BCAS3: variants seen among roughly 807,000 people sequenced by gnomAD.
The protein encoded by BCAS3 is BCAS4/BCAS3 fusion.
In BCAS3, 53 loss-of-function variants were observed where a neutral mutation model predicts 116.1. The ratio of observed to expected loss-of-function variants is 0.46; its 90% CI spans 0.37 to 0.57. BCAS3 has a LOEUF of 0.57. Among genes scored for constraint, BCAS3 ranks in the 20% least tolerant of loss-of-function variants. BCAS3 has a pLI of 0.00. For synonymous variants in BCAS3, 391 were observed against 408.2 expected, an observed-to-expected ratio of 0.96 and a Z score of 0.51; for missense variants, 917 against 1,165.4, an observed-to-expected ratio of 0.79 and a Z score of 3.10.
At chr17:60,763,610 G>T (rs1385078980) in intron 6 of BCAS3, among the ~76,000 whole-genome samples, 1 of 152,152 alleles carries the variant, frequency 6.6e-6, no homozygotes, top group Non-Finnish European at 1.5e-5. Flanking sequence ...GTATTTTATT[G>T]AGGATTTTCG....
intron 9 of BCAS3, among the ~76,000 whole-genome samples, chr17:60,884,551 G>T (rs1482770747): frequency 1.1e-4 from 16 of 146,496 alleles, no homozygotes; most frequent in Non-Finnish European, 1.9e-4. Flanking sequence ...GTCTATTTTG[G>T]ATCTTTCCTG....
At chr17:60,844,866 AG>A (rs1334485899) in intron 7 of BCAS3, among the ~76,000 whole-genome samples, 1 of 152,226 alleles carries the variant, frequency 6.6e-6, no homozygotes, top group African/African-American at 2.4e-5. Flanking sequence ...TGAGTAAAAA[AG>A]TTAATAAAGG....
rs2063790161 is a variant in BCAS3 at position 60,995,603 on chromosome 17, C to T, written c.1486+5368C>T. The stretch of plus-strand genomic sequence containing the variant: ...GTGAACCACCGCGCCCGACCAGTTT[C>T]TAAGGCTTTAAACCAGAGTTTTAAA... On this transcript the variant is annotated intron_variant, in intron 15 of 23. Coordinates refer to ENST00000407086, the MANE Select transcript of BCAS3 (RefSeq NM_017679.5). The surrounding 1 kb of genome is among the most constrained non-coding windows in gnomAD (Gnocchi z 4.7). 6.6e-6 allele frequency among the ~76,000 whole-genome samples: 1 copy of T among 152,154 alleles called. No individual in the cohort carries two copies. The highest frequency in any genetic ancestry group is 2.4e-5 in the African/African-American group (1 of 41,432).
chr17:61,005,809 T>C (rs544773349), intron 15 of BCAS3, among the ~76,000 whole-genome samples: 1 of 151,866 alleles, frequency 6.6e-6, no homozygotes, highest in South Asian at 2.1e-4. Flanking sequence ...TTTCTTTTAT[T>C]ATTATACTTT....
chr17:61,237,432 A>G (rs2083149161), intron 22 of BCAS3, among the ~76,000 whole-genome samples: 1 of 152,214 alleles, frequency 6.6e-6, no homozygotes, highest in African/African-American at 2.4e-5. Flanking sequence ...AAATAAAGGA[A>G]TAAAAGCTGG....
chr17:60,699,134 CAG>C (rs756211726), intron 4 of BCAS3, among the ~76,000 whole-genome samples: 108 of 152,208 alleles, frequency 7.1e-4, no homozygotes, highest in Admixed American at 1.1e-3. Context: ...ATAAATAAAA[CAG>C]AATTGATATG....
chr17:60,975,923 A>G (rs2145370006), intron 14 of BCAS3, among the ~76,000 whole-genome samples: 1 of 150,854 alleles, frequency 6.6e-6, no homozygotes, highest in East Asian at 1.9e-4. Context: ...TGGATATATG[A>G]CATTTTGTTT....
chr17:60,735,330 T>G (rs1020046822), intron 5 of BCAS3, among the ~76,000 whole-genome samples: 2 of 145,594 alleles, frequency 1.4e-5, no homozygotes, highest in African/African-American at 5.6e-5. Context: ...CTTACTGTAT[T>G]AGCTAGGGTC....
At chr17:61,078,623 G>T in intron 21 of BCAS3, 94 bp downstream of exon 21, 1 of 1,105,010 alleles carries the variant, frequency 9.0e-7, no homozygotes, top group South Asian at 1.6e-5. Context: ...TTCCCCTTTT[G>T]GCACAGTATC....
Position 61,233,180 on chromosome 17 carries a change from A to C in BCAS3, c.2426-135147A>C, listed in dbSNP as rs1458778717. Among the ~76,000 whole-genome samples, 1 of 152,142 alleles carries C rather than the reference A, an allele frequency of 6.6e-6. No individual in the cohort carries two copies. ...ACTCCTCTCCATATTATCTAGCAACACTCTTTGAGGGATAATGGAAAGGAG... is the reference window on the plus strand; with the variant it reads ...ACTCCTCTCCATATTATCTAGCAACCCTCTTTGAGGGATAATGGAAAGGAG... On this transcript the variant is annotated intron_variant, in intron 22 of 23. Coordinates refer to ENST00000407086, the MANE Select transcript of BCAS3 (RefSeq NM_017679.5). The surrounding 1 kb of genome is among the most constrained non-coding windows in gnomAD (Gnocchi z 4.3).
In BCAS3 at chr17:60,770,834, G is replaced by GTTTTTTTTTT. The variant is rs60854011; in HGVS notation, c.403+23577_403+23586dup. ...GATCTTGAACCTAAAACTGAAATTT[G>GTTTTTTTTTT]TTTTTTTTTTTTTTTTTTTTTTTTT... is the stretch of plus-strand genomic sequence containing the variant. On this transcript the variant is annotated intron_variant, in intron 6 of 23. Coordinates refer to ENST00000407086, the MANE Select transcript of BCAS3 (RefSeq NM_017679.5). Among the ~76,000 whole-genome samples, 11 of 76,786 alleles carry GTTTTTTTTTT rather than the reference G, an allele frequency of 1.4e-4. 1 individual carries two copies. Among genetic ancestry groups the GTTTTTTTTTT allele is most frequent in the Non-Finnish European group, 3.0e-4 (9 of 30,146 alleles). The allele number at this position is 76,786 out of a possible 152,430, so 50.4% of individuals were successfully genotyped here. A position where few individuals can be genotyped will look rare whatever the true frequency, so the allele number is the denominator to read the frequency against.
chr17:60,977,351 C>G (rs1433775502), intron 14 of BCAS3, among the ~76,000 whole-genome samples: 1 of 151,920 alleles, frequency 6.6e-6, no homozygotes, highest in Non-Finnish European at 1.5e-5. Flanking sequence ...GGCTATTTTT[C>G]TTTTTTCTTT....
chr17:61,262,421 C>T (rs972448814), intron 22 of BCAS3, among the ~76,000 whole-genome samples: 1 of 151,796 alleles, frequency 6.6e-6, no homozygotes, highest in African/African-American at 2.4e-5. Flanking sequence ...CACTCTTTCG[C>T]CCAGGCTGTA....
intron 22 of BCAS3, among the ~76,000 whole-genome samples, chr17:61,328,676 G>C (rs573149076): frequency 6.6e-5 from 10 of 152,110 alleles, no homozygotes; most frequent in Non-Finnish European, 1.3e-4. Context: ...GAAGTGGGAG[G>C]ATCACCTGAG....
At chr17:61,072,299 A>G (rs922789739) in intron 19 of BCAS3, among the ~76,000 whole-genome samples, 10 of 152,194 alleles carry the variant, frequency 6.6e-5, no homozygotes, top group Non-Finnish European at 1.5e-4. Flanking sequence ...GCCAGCTATA[A>G]CAATGATCAA....
rs12601234 is a variant in BCAS3 at position 61,168,609 on chromosome 17, G to A, written c.2425+84045G>A. On this transcript the variant is annotated intron_variant, in intron 22 of 23. Transcript: ENST00000407086. ...GAGGCTTAATGGTAGATCAAAAAAT[G>A]TATGATATGCTTGAGAGATCAAGAC... 0.011 allele frequency among the ~76,000 whole-genome samples: 1,614 copies of A among 152,266 alleles called. 94 individuals carry two copies. The East Asian group carries it at 0.18, about 17-fold the overall frequency.
At chr17:60,765,954 T>C (rs8072708) in intron 6 of BCAS3, among the ~76,000 whole-genome samples, 41,703 of 152,104 alleles carry the variant, frequency 0.27, 11,431 homozygotes, top group African/African-American at 0.71. Flanking sequence ...ATCACTGATA[T>C]CCTTTCTTCC....
intron 19 of BCAS3, among the ~76,000 whole-genome samples, chr17:61,045,990 T>TATATATATACA (rs2068179382): frequency 1.2e-4 from 1 of 8,378 alleles, no homozygotes; most frequent in African/African-American, 1.5e-3. Flanking sequence ...TATATATATT[T>TATATATATACA]ATATATATAT....
chr17:60,727,638 G>A (rs562557354), intron 5 of BCAS3, among the ~76,000 whole-genome samples: 12 of 152,098 alleles, frequency 7.9e-5, no homozygotes, highest in East Asian at 7.7e-4. Context: ...GAAAGTATAC[G>A]GAGGTCCCGT....
Sources: allele counts gnomAD v4.1 joint callset (sites outside exome capture counted in the v4.1 genomes callset), GRCh38; gene constraint gnomAD v4.1.1; non-coding constraint Gnocchi (gnomAD v3.1); transcripts MANE v1.5; gene names NCBI Gene and HGNC (gene_info 2026-07-23, HGNC 2026-07-21).